The following NUP93 variants were observed in gnomAD, a reference collection of about 807,000 sequenced individuals.
NUP93 encodes the protein nuclear pore complex protein Nup93.
A neutral mutation model predicts 107.8 loss-of-function variants in NUP93; 55 were observed. The observed-to-expected ratio is 0.51, with a 90% CI of 0.41 to 0.64. The LOEUF (loss-of-function observed/expected upper bound fraction) is 0.64, where lower values mean the gene tolerates loss of function less well. Among genes scored for constraint, NUP93 ranks in the 30% least tolerant of loss-of-function variants. The probability of loss-of-function intolerance (pLI) is 0.00; values close to 1 mark genes in which losing one functional copy is unlikely to be tolerated. For missense variants in NUP93, 937 were observed against 1,044.7 expected (o/e 0.90, Z 1.42); for synonymous variants, 390 against 397.5 (o/e 0.98, Z 0.22).
intron 3 of NUP93, among the ~76,000 whole-genome samples, chr16:56,797,833 G>T (rs1189749131): frequency 6.6e-6 from 1 of 152,190 alleles, no homozygotes; most frequent in East Asian, 1.9e-4. Flanking sequence ...AAATTTCAAA[G>T]CCTATCCTTT....
At chr16:56,790,793 C>T (rs989386592) in intron 3 of NUP93, among the ~76,000 whole-genome samples, 19 of 152,228 alleles carry the variant, frequency 1.2e-4, no homozygotes, top group African/African-American at 4.6e-4. Flanking sequence ...TTAGTACCAA[C>T]TGAATACTCA....
intron 5 of NUP93, among the ~76,000 whole-genome samples, chr16:56,811,556 G>A (rs1362340124): frequency 6.6e-6 from 1 of 151,962 alleles, no homozygotes; most frequent in Non-Finnish European, 1.5e-5. Context: ...TGTCACCCAG[G>A]CTGGAGTGGA....
intron 10 of NUP93, 147 bp from the exon 11 acceptor site, chr16:56,831,695 G>T (rs1431868057): frequency 1.4e-6 from 1 of 729,170 alleles, no homozygotes; most frequent in Non-Finnish European, 2.2e-6. Context: ...GTACCGAGGG[G>T]AGGGGATGGG....
Position 56,748,224 on chromosome 16 carries a change from TCCCA to T in NUP93, c.-14-9_-14-6del. On this transcript the variant is annotated splice_polypyrimidine_tract_variant and splice_region_variant and intron_variant, in intron 1 of 21. Coordinates refer to ENST00000308159, the MANE Select transcript of NUP93 (RefSeq NM_014669.5). ...TTGATTTAGATCTTTTCATTTTTTC[TCCCA>T]TCTAGGATCTGCATCTCCAATGGAT... 6.4e-7 allele frequency: 1 copy of T among 1,551,878 alleles called. No individual in the cohort carries two copies. Among genetic ancestry groups the T allele is most frequent in the Non-Finnish European group, 8.8e-7 (1 of 1,140,346 alleles).
rs1963509514 is a variant in NUP93, at chr16:56,819,923, G to A, written c.564+1185G>A. 2.0e-5 allele frequency among the ~76,000 whole-genome samples: 3 copies of A among 152,088 alleles called. No individual in the cohort carries two copies. In the South Asian group the frequency reaches 6.2e-4, roughly 32 times the overall value. On this transcript the variant is annotated intron_variant, in intron 6 of 21. Coordinates refer to ENST00000308159, the MANE Select transcript of NUP93 (RefSeq NM_014669.5). ...GATCCCTTCCTTCCAACCCCTTTAT[G>A]TTTTGCCACTGGCCTTCATTTATTT...
intron 3 of NUP93, among the ~76,000 whole-genome samples, chr16:56,797,122 T>C (rs1962917952): frequency 1.3e-5 from 2 of 150,546 alleles, no homozygotes; most frequent in Admixed American, 1.3e-4. Context: ...ATACAAAAAC[T>C]AGCAGGGTGT....
intron 18 of NUP93, among the ~76,000 whole-genome samples, chr16:56,838,612 G>GT (rs1224900611): frequency 1.3e-5 from 2 of 152,026 alleles, no homozygotes; most frequent in Non-Finnish European, 2.9e-5. Flanking sequence ...CCAGGCTGGA[G>GT]TGGAGTGCAG....
chr16:56,752,635 C>T (rs1199924986), intron 2 of NUP93, among the ~76,000 whole-genome samples: 1 of 152,016 alleles, frequency 6.6e-6, no homozygotes, highest in African/African-American at 2.4e-5. Context: ...GGATTTTTTG[C>T]CGAAAGTGAC....
intron 20 of NUP93, 147 bp from the exon 21 acceptor site, chr16:56,841,558 C>G (rs1964025265): frequency 1.1e-6 from 1 of 922,118 alleles, no homozygotes; most frequent in Non-Finnish European, 1.6e-6. Flanking sequence ...GCCATCAGCT[C>G]CTTTTGGGTG....
intron 15 of NUP93, 136 bp from the exon 16 acceptor site, chr16:56,834,597 TC>T: frequency 9.1e-7 from 1 of 1,099,508 alleles, no homozygotes; most frequent in Non-Finnish European, 1.3e-6. Flanking sequence ...AATATTTATT[TC>T]AGTCACACTG....
At chr16:56,735,583 G>A (rs773230370) in intron 1 of NUP93, among the ~76,000 whole-genome samples, 6 of 152,148 alleles carry the variant, frequency 3.9e-5, no homozygotes, top group Admixed American at 6.5e-5. Flanking sequence ...AGTGGCCCTC[G>A]CCTGTATTCC....
chr16:56,802,983 TC>T (rs1289471379), intron 4 of NUP93, among the ~76,000 whole-genome samples: 2 of 151,680 alleles, frequency 1.3e-5, no homozygotes, highest in African/African-American at 2.4e-5. Context: ...TCCCCAGACT[TC>T]CTTTCTTTTT....
chr16:56,756,279 T>C lies in NUP93; in HGVS notation c.180-2259T>C, dbSNP rs560504031. Among the ~76,000 whole-genome samples, 51 of 142,212 alleles carry C rather than the reference T, an allele frequency of 3.6e-4. No homozygotes were observed. The Middle Eastern group carries it at 0.022, about 61-fold the overall frequency. The allele number at this position is 142,212 out of a possible 152,430, so 93.3% of individuals were successfully genotyped here. A position where few individuals can be genotyped will look rare whatever the true frequency, so the allele number is the denominator to read the frequency against. On this transcript the variant is annotated intron_variant, in intron 2 of 21. Coordinates refer to ENST00000308159, the MANE Select transcript of NUP93 (RefSeq NM_014669.5). Reference sequence around the variant, plus strand: ...TGCATGCGTTAGGTATTTGTCCTAATGCTCTCTCTCTCCTTGCCCCCCCCC... The same window carrying C: ...TGCATGCGTTAGGTATTTGTCCTAACGCTCTCTCTCTCCTTGCCCCCCCCC...
intron 1 of NUP93, among the ~76,000 whole-genome samples, chr16:56,741,129 A>C (rs1961733412): frequency 6.6e-6 from 1 of 152,236 alleles, no homozygotes; most frequent in African/African-American, 2.4e-5. Flanking sequence ...ATACATTTAA[A>C]CATTTTAATT....
At chr16:56,844,071 G>T (rs1317059300) in intron 21 of NUP93, among the ~76,000 whole-genome samples, 1 of 152,198 alleles carries the variant, frequency 6.6e-6, no homozygotes, top group African/African-American at 2.4e-5. Flanking sequence ...CCTTGCCTCC[G>T]GTGTCACAAG....
intron 4 of NUP93, 170 bp from the exon 5 acceptor site, chr16:56,805,334 C>A: frequency 1.4e-6 from 1 of 691,122 alleles, no homozygotes; most frequent in Non-Finnish European, 2.3e-6. Flanking sequence ...AGGTGTAAAC[C>A]ACCACGCTCA....
At chr16:56,759,965 C>T (rs1209203811) in intron 3 of NUP93, among the ~76,000 whole-genome samples, 1 of 152,184 alleles carries the variant, frequency 6.6e-6, no homozygotes, top group Non-Finnish European at 1.5e-5. Flanking sequence ...TGATGCACTT[C>T]ATGCATTTCG....
chr16:56,821,518 T>C lies in NUP93; in HGVS notation c.579T>C (p.Asn193=). ...MAYARQIYIY[N]EKIVNGHLQP... ...TATCATTTCAGATTTATATCTATAA[T>C]GAGAAAATTGTAAATGGACACCTGC... The change falls in exon 7 of 22, where the codon AAT becomes AAC. Residue 193 remains asparagine (N), a synonymous_variant. Transcript: ENST00000308159. The C allele has an allele frequency of 6.2e-7, 1 of 1,605,670 alleles. No homozygotes were observed. The highest frequency in any genetic ancestry group is 8.5e-7 in the Non-Finnish European group (1 of 1,172,392).
chr16:56,739,321 C>T (rs1961666284), intron 1 of NUP93, among the ~76,000 whole-genome samples: 6 of 71,162 alleles, frequency 8.4e-5, no homozygotes, highest in East Asian at 4.0e-4. Context: ...ACCTCCCGGA[C>T]GGGGCGGCTG....
Sources: allele counts gnomAD v4.1 joint callset (sites outside exome capture counted in the v4.1 genomes callset), GRCh38; gene constraint gnomAD v4.1.1; transcripts MANE v1.5; gene names NCBI Gene and HGNC (gene_info 2026-07-23, HGNC 2026-07-21).